Variants in ITGA8 observed in about 807,000 individuals in gnomAD.
The protein encoded by ITGA8 is integrin alpha-8.
ITGA8 carries 91 observed loss-of-function variants against 142.3 expected under a neutral mutation model. That is an observed-to-expected ratio of 0.64 (90% CI 0.54 to 0.76). The LOEUF is 0.76. Ranked by LOEUF, ITGA8 falls within the 30% of genes least tolerant of loss-of-function variation. The pLI, the probability that ITGA8 is intolerant of heterozygous loss-of-function variation, is 0.00. For synonymous variants in ITGA8, 505 were observed against 485.2 expected (o/e 1.04, Z -0.54); for missense variants, 1,406 against 1,327.7 (o/e 1.06, Z -0.92).
intron 22 of ITGA8, among the ~76,000 whole-genome samples, chr10:15,587,067 C>T (rs541190121): frequency 4.9e-4 from 75 of 152,218 alleles, no homozygotes; most frequent in African/African-American, 1.7e-3. Context: ...AGACTACAGG[C>T]GTGTGCCACC....
At chr10:15,608,647 G>A (rs936133990) in intron 15 of ITGA8, among the ~76,000 whole-genome samples, 42 of 152,148 alleles carry the variant, frequency 2.8e-4, no homozygotes, top group African/African-American at 8.9e-4. Context: ...CAAGAGGATA[G>A]CCAGAGGTAA....
chr10:15,574,597 G>T (rs1015200966), intron 24 of ITGA8, among the ~76,000 whole-genome samples: 5 of 152,104 alleles, frequency 3.3e-5, no homozygotes, highest in Admixed American at 1.3e-4. Flanking sequence ...GACCATGTTG[G>T]CCAGGATGGT....
At chr10:15,681,541 A>C (rs529165837) in intron 4 of ITGA8, among the ~76,000 whole-genome samples, 1 of 152,182 alleles carries the variant, frequency 6.6e-6, no homozygotes, top group Admixed American at 6.6e-5. Context: ...AAATGGTTCA[A>C]ACTCACTCTG....
chr10:15,591,587 T>C (rs1471568945), intron 22 of ITGA8, among the ~76,000 whole-genome samples: 1 of 152,138 alleles, frequency 6.6e-6, no homozygotes, highest in Non-Finnish European at 1.5e-5. Context: ...CAGGTCTTCC[T>C]GTTCACGAAA....
chr10:15,627,519 G>T (rs564896667), intron 13 of ITGA8, among the ~76,000 whole-genome samples: 14 of 152,126 alleles, frequency 9.2e-5, no homozygotes, highest in African/African-American at 2.7e-4. Context: ...AATCTAAAAG[G>T]GTTGGCATAT....
At chr10:15,585,869 T>C (rs752171560) in intron 23 of ITGA8, among the ~76,000 whole-genome samples, 7 of 151,904 alleles carry the variant, frequency 4.6e-5, no homozygotes, top group Non-Finnish European at 8.8e-5. Flanking sequence ...CATCTGAGAG[T>C]TAGTCATTTA....
At chr10:15,715,143 A>G (rs1835427641) in intron 2 of ITGA8, among the ~76,000 whole-genome samples, 2 of 152,058 alleles carry the variant, frequency 1.3e-5, no homozygotes, top group South Asian at 4.2e-4. Context: ...AGCAGAGAGT[A>G]ACTCAGGAGG....
intron 2 of ITGA8, among the ~76,000 whole-genome samples, chr10:15,705,357 GA>G (rs777735342): frequency 2.4e-4 from 36 of 152,204 alleles, no homozygotes; most frequent in Non-Finnish European, 5.0e-4. Flanking sequence ...CAAGCAATGA[GA>G]AAAGATCATT....
intron 6 of ITGA8, among the ~76,000 whole-genome samples, chr10:15,674,242 A>T (rs1324166584): frequency 6.6e-6 from 1 of 152,138 alleles, no homozygotes; most frequent in African/African-American, 2.4e-5. Flanking sequence ...ACAGCTAAAT[A>T]CCCTCTTTCC....
At chr10:15,695,370 A>G (rs1050427428) in intron 2 of ITGA8, among the ~76,000 whole-genome samples, 1 of 152,232 alleles carries the variant, frequency 6.6e-6, no homozygotes, top group African/African-American at 2.4e-5. Context: ...TCAATAAATT[A>G]TCTGACTTTG....
At position 15,673,786 on chromosome 10, in the gene ITGA8, T is replaced by C. The variant is rs548974447; in HGVS notation, c.677-1037A>G. Among the ~76,000 whole-genome samples the C allele has an allele frequency of 1.2e-4, 18 of 149,972 alleles. No individual in the cohort carries two copies. In the South Asian group the frequency reaches 3.7e-3, roughly 31 times the overall value. ...CAAAATTCAGCAAAAGAGAAATCCA[T>C]GGGCACCAACATTGACGTGATAAGA... On this transcript the variant is annotated intron_variant, in intron 6 of 29. Coordinates refer to ENST00000378076, the MANE Select transcript of ITGA8 (RefSeq NM_003638.3).
chr10:15,592,305 C>G lies in ITGA8; in HGVS notation c.2212-1G>C. On this transcript the variant is annotated splice_acceptor_variant, in intron 21 of 29. Transcript: ENST00000378076. LOFTEE classifies it high-confidence loss of function. ...CTGCAAATCGGAGGCCCAGGGAATA[C>G]TAAAAAATAAAATAAAATCACACAA... 6.2e-7 allele frequency: 1 copy of G among 1,607,702 alleles called. No homozygotes were observed.
chr10:15,572,442 A>G (rs965662964), intron 24 of ITGA8, 73 bp from the exon 25 acceptor site: 46 of 1,314,002 alleles, frequency 3.5e-5, no homozygotes, highest in Non-Finnish European at 4.4e-5. Context: ...CATATACTCT[A>G]TACCCATTTT....
chr10:15,526,181 C>CTT lies in ITGA8; in HGVS notation c.2982+4867_2982+4868dup, dbSNP rs67522720. On this transcript the variant is annotated intron_variant, in intron 28 of 29. Transcript: ENST00000378076. ...TACCCAAATCTTTCATTATAAGATTCTTTTTTTTTTTTGAGACGGAGTTGT... is the reference window on the plus strand; with the variant it reads ...TACCCAAATCTTTCATTATAAGATTCTTTTTTTTTTTTTTGAGACGGAGTTGT... Among the ~76,000 whole-genome samples, 73 of 146,856 alleles carry CTT rather than the reference C, an allele frequency of 5.0e-4. No individual in the cohort carries two copies. In the South Asian group the frequency reaches 6.1e-3, roughly 12 times the overall value.
Position 15,646,919 on chromosome 10 carries a change from A to C in ITGA8, c.1134T>G (p.Thr378=), listed in dbSNP as rs772188108. The C allele has an allele frequency of 3.1e-6, 5 of 1,613,970 alleles. No individual in the cohort carries two copies. Among genetic ancestry groups the C allele is most frequent in the Non-Finnish European group, 4.2e-6 (5 of 1,180,014 alleles). Residue 378 remains threonine, a synonymous_variant, in exon 12 of 30, where the codon ACT becomes ACG. Coordinates refer to ENST00000378076, the MANE Select transcript of ITGA8 (RefSeq NM_003638.3). ...CGAATCTCCCAAACGTCTCGGTGCC[A>C]GTGAGGATCTGGGGGTCTCTGAAGA... ...SLLFRDPQIL[T]GTETFGRFGS...
intron 13 of ITGA8, among the ~76,000 whole-genome samples, chr10:15,617,399 G>GTTTTTTTTTTT (rs11448806): frequency 6.8e-6 from 1 of 148,006 alleles, no homozygotes. Context: ...CAAACTGTCT[G>GTTTTTTTTTTT]TTTTTTTTTT....
intron 27 of ITGA8, among the ~76,000 whole-genome samples, chr10:15,535,545 A>G (rs1228773587): frequency 6.6e-6 from 1 of 152,078 alleles, no homozygotes; most frequent in Non-Finnish European, 1.5e-5. Context: ...ACCAATCCAC[A>G]CTCTGTATCT....
At chr10:15,535,623 C>G (rs142600132) in intron 27 of ITGA8, among the ~76,000 whole-genome samples, 1 of 152,030 alleles carries the variant, frequency 6.6e-6, no homozygotes, top group East Asian at 1.9e-4. Context: ...CTAGTGGAGA[C>G]GTGGAGAACC....
At chr10:15,555,667 G>GGTTCA (rs1408105355) in intron 26 of ITGA8, among the ~76,000 whole-genome samples, 1 of 150,804 alleles carries the variant, frequency 6.6e-6, no homozygotes, top group Non-Finnish European at 1.5e-5. Flanking sequence ...CACCCTCCTT[G>GGTTCA]GTTCAGTCTC....
Sources: allele counts gnomAD v4.1 joint callset (sites outside exome capture counted in the v4.1 genomes callset), GRCh38; gene constraint gnomAD v4.1.1; transcripts MANE v1.5; gene names NCBI Gene and HGNC (gene_info 2026-07-23, HGNC 2026-07-21).